Variants in FGD6 observed in about 807,000 individuals in gnomAD.
The protein encoded by FGD6 is FYVE, RhoGEF and PH domain containing 6.
A neutral mutation model predicts 149.4 loss-of-function variants in FGD6; 90 were observed. That is an observed-to-expected ratio of 0.60 (90% CI 0.51 to 0.72). The LOEUF is 0.72. Ranked by LOEUF, FGD6 falls within the 30% of genes least tolerant of loss-of-function variation. The pLI is 0.00. For synonymous variants in FGD6, 527 were observed against 584.0 expected (o/e 0.90, Z 1.41); for missense variants, 1,437 against 1,684.8 (o/e 0.85, Z 2.57).
At chr12:95,172,106 T>C (rs1007411608) in intron 3 of FGD6, among the ~76,000 whole-genome samples, 69 of 151,738 alleles carry the variant, frequency 4.5e-4, no homozygotes, top group African/African-American at 1.6e-3. Context: ...CCTGGCACCA[T>C]GGCTCACGCC....
At chr12:95,121,466 T>TAG (rs1186502825) in intron 8 of FGD6, among the ~76,000 whole-genome samples, 5 of 45,930 alleles carry the variant, frequency 1.1e-4, no homozygotes, top group African/African-American at 5.7e-4. Context: ...AAAAAAAAGA[T>TAG]ATATATATAT....
In FGD6 at chr12:95,127,133, T is replaced by A. The variant is rs554129417; in HGVS notation, c.3082+7606A>T. Among the ~76,000 whole-genome samples the A allele has an allele frequency of 5.9e-5, 9 of 152,086 alleles. No individual in the cohort carries two copies. In the South Asian group the frequency reaches 1.3e-3, roughly 21 times the overall value. On this transcript the variant is annotated intron_variant, in intron 8 of 20. Coordinates refer to ENST00000343958, the MANE Select transcript of FGD6 (RefSeq NM_018351.4). ...GGACAGCCCTACTTTTTTTTTTTTT[T>A]AAATCAAGTTCTGCCTTAGAGAAAG...
intron 8 of FGD6, among the ~76,000 whole-genome samples, chr12:95,126,622 T>C (rs1185864757): frequency 1.3e-5 from 2 of 150,860 alleles, no homozygotes; most frequent in Non-Finnish European, 2.9e-5. Flanking sequence ...TCCCAGCTAC[T>C]CAGGAGGCTG....
Position 95,169,992 on chromosome 12 carries a change from G to A in FGD6, c.2586+2608C>T, listed in dbSNP as rs1487382500. On this transcript the variant is annotated intron_variant, in intron 3 of 20. Transcript: ENST00000343958. Reference sequence around the variant, plus strand: ...AAAAATTAGCCAGGTATGGTGGTGGGTGCCCATAATCCCAGCTACTCGGGA... The same window carrying A: ...AAAAATTAGCCAGGTATGGTGGTGGATGCCCATAATCCCAGCTACTCGGGA... Among the ~76,000 whole-genome samples the A allele has an allele frequency of 2.0e-5, 3 of 151,848 alleles. No individual in the cohort carries two copies. In the East Asian group the frequency reaches 5.8e-4, roughly 29 times the overall value.
intron 11 of FGD6, 29 bp from the exon 12 acceptor site, chr12:95,107,660 G>T: frequency 6.8e-6 from 11 of 1,608,850 alleles, no homozygotes; most frequent in African/African-American, 1.3e-5. Flanking sequence ...CACCCATTTA[G>T]TCCTACCATC....
chr12:95,091,845 T>C, intron 16 of FGD6, 36 bp from the exon 17 acceptor site: 3 of 1,482,916 alleles, frequency 2.0e-6, no homozygotes, highest in African/African-American at 1.4e-5. Context: ...TTAATTTCAT[T>C]AGAATAACTT....
rs200003298 is a variant in FGD6, at chr12:95,186,226, TTC to T, written c.2442-13484_2442-13483del. Among the ~76,000 whole-genome samples, 17 of 9,326 alleles carry T rather than the reference TTC, an allele frequency of 1.8e-3. 6 individuals are homozygous for T. The highest frequency in any genetic ancestry group is 0.012 in the East Asian group (2 of 166). 6.1% of individuals were successfully genotyped at this position (9,326 alleles called of 152,430 possible). A position where few individuals can be genotyped will look rare whatever the true frequency, so the allele number is the denominator to read the frequency against. On this transcript the variant is annotated intron_variant, in intron 2 of 20. Coordinates refer to ENST00000343958, the MANE Select transcript of FGD6 (RefSeq NM_018351.4). ...GCTAAGAATGCTTCTTATATTCTTC[TTC>T]TTTTTTTTTTTTTTTTTTTTTTTTT...
intron 8 of FGD6, among the ~76,000 whole-genome samples, chr12:95,129,295 C>G (rs12819379): frequency 0.3 from 17,489 of 58,868 alleles, 1,279 homozygotes; most frequent in Non-Finnish European, 0.31. Context: ...ATCCATGCAT[C>G]CATGCATGCA....
At chr12:95,198,101 C>T (rs58434296) in intron 2 of FGD6, among the ~76,000 whole-genome samples, 14,349 of 152,098 alleles carry the variant, frequency 0.094, 899 homozygotes, top group African/African-American at 0.18. Context: ...CTTGTGGTCC[C>T]TTGGGTAGAA....
chr12:95,094,419 A>G (rs930821897), intron 15 of FGD6, among the ~76,000 whole-genome samples, 173 bp downstream of exon 15: 1 of 152,144 alleles, frequency 6.6e-6, no homozygotes, highest in African/African-American at 2.4e-5. Flanking sequence ...TGAGACAACA[A>G]TAGGAGGATA....
intron 20 of FGD6, 130 bp downstream of exon 20, chr12:95,084,368 A>T: frequency 1.3e-6 from 1 of 741,136 alleles, no homozygotes. Flanking sequence ...TAATACGTTA[A>T]ATCTTTCTAA....
intron 17 of FGD6, among the ~76,000 whole-genome samples, chr12:95,091,048 G>T (rs1237265811): frequency 6.6e-6 from 1 of 152,160 alleles, no homozygotes; most frequent in Non-Finnish European, 1.5e-5. Flanking sequence ...GTTGCATATT[G>T]TGTCACTGCA....
intron 9 of FGD6, among the ~76,000 whole-genome samples, chr12:95,111,007 G>C (rs1034271570): frequency 1.3e-5 from 2 of 151,732 alleles, no homozygotes; most frequent in African/African-American, 4.8e-5. Context: ...TCCTGAGACA[G>C]AGTCTTGCTC....
At position 95,085,923 on chromosome 12, in the gene FGD6, CCATA is replaced by C. The variant is rs2136230998; in HGVS notation, c.3979-19_3979-16del. The C allele has an allele frequency of 5.7e-6, 9 of 1,589,398 alleles. No homozygotes were observed. Among genetic ancestry groups the C allele is most frequent in the Non-Finnish European group, 7.7e-6 (9 of 1,173,108 alleles). ...TTTGCTGATACCTAGATAAGAAACC[CCATA>C]CAAAGTTTAATGGTTTTCAGACAAA... On this transcript the variant is annotated splice_polypyrimidine_tract_variant and intron_variant, in intron 18 of 20. Transcript: ENST00000343958.
At chr12:95,168,440 G>C (rs1322948963) in intron 3 of FGD6, among the ~76,000 whole-genome samples, 1 of 152,194 alleles carries the variant, frequency 6.6e-6, no homozygotes, top group South Asian at 2.1e-4. Context: ...AATGTGGGCA[G>C]ATAACCTGAG....
rs149396482 is a variant in FGD6 at position 95,210,314 on chromosome 12, G to A, written c.970C>T (p.Arg324Cys). The change falls in exon 2 of 21, where the codon CGT becomes TGT. Residue 324 changes from arginine to cysteine, a missense_variant. This residue lies in a region of FGD6 where 1,055 missense variants were observed against 1,146.0 expected (regional missense o/e 0.92). Coordinates refer to ENST00000343958, the MANE Select transcript of FGD6 (RefSeq NM_018351.4). ...TCTACACACTTTTGGCGTAACAGACGAGCAGTTCGTGTCTTTCTGGGCTTG... is the reference window on the plus strand; with the variant it reads ...TCTACACACTTTTGGCGTAACAGACAAGCAGTTCGTGTCTTTCTGGGCTTG... ...TPKPRKTRTA[R>C]LLRQKCVDTP... 1.6e-4 allele frequency: 261 copies of A among 1,614,016 alleles called. No individual in the cohort carries two copies. The highest frequency in any genetic ancestry group is 2.0e-4 in the Non-Finnish European group (241 of 1,180,024).
At chr12:95,119,625 A>C (rs1475372950) in intron 8 of FGD6, among the ~76,000 whole-genome samples, 1 of 152,244 alleles carries the variant, frequency 6.6e-6, no homozygotes, top group Non-Finnish European at 1.5e-5. Context: ...GTTTGGATTT[A>C]TAAGTAACAC....
chr12:95,110,219 G>A (rs998758467), intron 9 of FGD6, among the ~76,000 whole-genome samples: 20 of 151,566 alleles, frequency 1.3e-4, no homozygotes, highest in Non-Finnish European at 2.7e-4. Context: ...CTCGTGATCC[G>A]CCCGCCTCAG....
At chr12:95,135,580 A>G (rs1879642417) in intron 7 of FGD6, among the ~76,000 whole-genome samples, 2 of 152,122 alleles carry the variant, frequency 1.3e-5, no homozygotes. Flanking sequence ...TCTCCAACCT[A>G]AGAGTTTACT....
Sources: allele counts gnomAD v4.1 joint callset (sites outside exome capture counted in the v4.1 genomes callset), GRCh38; gene constraint gnomAD v4.1.1; regional missense constraint gnomAD v4.1.1; transcripts MANE v1.5; gene names NCBI Gene and HGNC (gene_info 2026-07-23, HGNC 2026-07-21).